Variants in ACSF2 observed in about 807,000 individuals in gnomAD.
ACSF2 encodes medium-chain acyl-CoA ligase ACSF2, mitochondrial.
Under a neutral mutation model 79.3 loss-of-function variants are expected in ACSF2, and 52 were observed. That is an observed-to-expected ratio of 0.66 (90% CI 0.53 to 0.83). The LOEUF (loss-of-function observed/expected upper bound fraction) is 0.83, where lower values mean the gene tolerates loss of function less well. ACSF2 is among the 40% of genes least tolerant of loss of function. The pLI, the probability that ACSF2 is intolerant of heterozygous loss-of-function variation, is 0.00. For missense variants in ACSF2, 661 were observed against 803.3 expected, an observed-to-expected ratio of 0.82 and a Z score of 2.14; for synonymous variants, 283 against 312.6, an observed-to-expected ratio of 0.91 and a Z score of 1.00.
Position 50,468,765 on chromosome 17 carries a change from G to C in ACSF2, c.1216-2263G>C, listed in dbSNP as rs552056920. The stretch of plus-strand genomic sequence containing the variant: ...TGGGGGCAGGCGGCCAGCGCCGGCA[G>C]CAGACCAGCCAGGAGGCCGAGGCTG... On this transcript the variant is annotated intron_variant, in intron 10 of 15. Coordinates refer to ENST00000300441, the MANE Select transcript of ACSF2 (RefSeq NM_025149.6). 117 of 1,589,988 alleles carry C rather than the reference G, an allele frequency of 7.4e-5. No homozygotes were observed. The African/African-American group carries it at 1.4e-3, about 19-fold the overall frequency.
intron 1 of ACSF2, among the ~76,000 whole-genome samples, chr17:50,437,204 A>T (rs2030501411): frequency 6.6e-6 from 1 of 152,366 alleles, no homozygotes; most frequent in South Asian, 2.1e-4. Flanking sequence ...ACGGGAAGGG[A>T]GAGCCTGCCT....
intron 1 of ACSF2, among the ~76,000 whole-genome samples, chr17:50,432,222 A>C (rs777552544): frequency 6.6e-6 from 1 of 152,112 alleles, no homozygotes. Context: ...CTTATGTATA[A>C]ATAGTGCATT....
At position 50,474,722 on chromosome 17, in the gene ACSF2, C is replaced by T; in HGVS notation, c.*170C>T. 2.8e-6 allele frequency: 2 copies of T among 707,720 alleles called. No homozygotes were observed. Among genetic ancestry groups the T allele is most frequent in the Admixed American group, 2.9e-5 (1 of 34,634 alleles). 43.8% of individuals were successfully genotyped at this position (707,720 alleles called of 1,614,324 possible). A position where few individuals can be genotyped will look rare whatever the true frequency, so the allele number is the denominator to read the frequency against. On this transcript the variant is annotated 3_prime_UTR_variant, in exon 16 of 16. Transcript: ENST00000300441. The surrounding 1 kb of genome is among the most constrained non-coding windows in gnomAD (Gnocchi z 4.2). Reference sequence around the variant, plus strand: ...CTCCTGGATGGGTCCGGGAACTCGCCTGGGCACAAGGTGCCAAAAGGCAGG... The same window carrying T: ...CTCCTGGATGGGTCCGGGAACTCGCTTGGGCACAAGGTGCCAAAAGGCAGG...
chr17:50,467,488 C>T lies in ACSF2; in HGVS notation c.1215+3194C>T, dbSNP rs116370336. ...GATTGGGCAGGGCCATCCACCAGGG[C>T]CTCTATGGGGCATGGAGAATGTCTT... is the stretch of plus-strand genomic sequence containing the variant. On this transcript the variant is annotated intron_variant, in intron 10 of 15. Coordinates refer to ENST00000300441, the MANE Select transcript of ACSF2 (RefSeq NM_025149.6). Among the ~76,000 whole-genome samples the T allele has an allele frequency of 4.7e-3, 712 of 152,286 alleles. 5 individuals are homozygous for T. The highest frequency in any genetic ancestry group is 0.017 in the African/African-American group (697 of 41,544).
chr17:50,434,661 G>T (rs1328710387), intron 1 of ACSF2, among the ~76,000 whole-genome samples: 1 of 151,970 alleles, frequency 6.6e-6, no homozygotes, highest in Non-Finnish European at 1.5e-5. Flanking sequence ...ATTCCAGCCT[G>T]GGCAAAAGAG....
At chr17:50,467,855 C>G in intron 10 of ACSF2, 1 of 572,918 alleles carries the variant, frequency 1.7e-6, no homozygotes, top group Non-Finnish European at 3.0e-6. Context: ...AGACTGGCAG[C>G]AGACAGGGAT....
intron 1 of ACSF2, among the ~76,000 whole-genome samples, chr17:50,435,791 G>GT (rs879568960): frequency 8.2e-4 from 118 of 144,514 alleles, no homozygotes; most frequent in Middle Eastern, 3.6e-3. Flanking sequence ...AGTTTAGTGA[G>GT]TTTTTTTTTT....
In ACSF2 at chr17:50,453,054, C is replaced by A. The variant is rs989700241; in HGVS notation, c.129-7623C>A. Among the ~76,000 whole-genome samples the A allele has an allele frequency of 4.6e-5, 7 of 152,128 alleles. No individual in the cohort carries two copies. The South Asian group carries it at 1.5e-3, about 32-fold the overall frequency. ...CTTTCTCCCAGATCTGAGGGTGGGG[C>A]ATGGGCAGGCATGGCTGTAACGTTG... On this transcript the variant is annotated intron_variant, in intron 1 of 15. Coordinates refer to ENST00000300441, the MANE Select transcript of ACSF2 (RefSeq NM_025149.6).
chr17:50,458,535 C>G lies in ACSF2; in HGVS notation c.129-2142C>G, dbSNP rs147507875. 8.8e-4 allele frequency among the ~76,000 whole-genome samples: 134 copies of G among 152,278 alleles called. 1 individual carries two copies. The highest frequency in any genetic ancestry group is 2.9e-3 in the African/African-American group (120 of 41,542). On this transcript the variant is annotated intron_variant, in intron 1 of 15. Coordinates refer to ENST00000300441, the MANE Select transcript of ACSF2 (RefSeq NM_025149.6). ...CCAGGTGATCCCAGATTCCGTCTTA[C>G]AGGTGCTCCTAGGACCACGGCCCCT... is the stretch of plus-strand genomic sequence containing the variant.
chr17:50,434,920 G>A (rs1305248723), intron 1 of ACSF2, among the ~76,000 whole-genome samples: 2 of 151,928 alleles, frequency 1.3e-5, no homozygotes, highest in Non-Finnish European at 2.9e-5. Context: ...GCCCAGGCTG[G>A]AGTGCAATGG....
intron 1 of ACSF2, among the ~76,000 whole-genome samples, chr17:50,446,681 C>T (rs2031324266): frequency 6.6e-6 from 1 of 152,228 alleles, no homozygotes; most frequent in African/African-American, 2.4e-5. Context: ...TGACCCTCAC[C>T]AACTGACCAT....
chr17:50,464,783 C>A (rs2143736252), intron 10 of ACSF2: 3 of 323,348 alleles, frequency 9.3e-6, no homozygotes, highest in Non-Finnish European at 1.8e-5. Context: ...GGGGGGGTCT[C>A]AGCAACAGCT....
intron 10 of ACSF2, chr17:50,465,715 G>C: frequency 3.1e-6 from 5 of 1,613,518 alleles, no homozygotes; most frequent in Non-Finnish European, 4.2e-6. Context: ...ACCGCCGAAG[G>C]CCCCGGAGCT....
chr17:50,460,346 A>G (rs1007850240), intron 1 of ACSF2: 4 of 479,162 alleles, frequency 8.3e-6, no homozygotes, highest in Non-Finnish European at 1.6e-5. Flanking sequence ...GCTAGGGGTG[A>G]AGGCATGGTC....
At chr17:50,468,851 G>T in intron 10 of ACSF2, 1 of 1,451,824 alleles carries the variant, frequency 6.9e-7, no homozygotes, top group Admixed American at 2.7e-5. Flanking sequence ...GGGCAGCAGC[G>T]GCGGCGGGGC....
chr17:50,466,279 C>T (rs1279780840), intron 10 of ACSF2, among the ~76,000 whole-genome samples: 19 of 151,872 alleles, frequency 1.3e-4, no homozygotes, highest in African/African-American at 3.6e-4. Context: ...TTAGTAGAGA[C>T]GCAGTTTCAC....
At chr17:50,458,958 G>A (rs2032177892) in intron 1 of ACSF2, among the ~76,000 whole-genome samples, 1 of 152,212 alleles carries the variant, frequency 6.6e-6, no homozygotes, top group Admixed American at 6.5e-5. Context: ...CAGAGACAGG[G>A]AGCTTCTTAG....
chr17:50,464,392 A>C (rs1297041900), intron 10 of ACSF2, 98 bp downstream of exon 10: 1 of 1,222,842 alleles, frequency 8.2e-7, no homozygotes, highest in Non-Finnish European at 1.2e-6. Context: ...TGTTCAAAGG[A>C]GACCCTCTCA....
chr17:50,427,086 C>T (rs1915061760), intron 1 of ACSF2: 1 of 1,214,692 alleles, frequency 8.2e-7, no homozygotes. Flanking sequence ...CTCATGTTAT[C>T]AGGGCTGTTA....
Sources: allele counts gnomAD v4.1 joint callset (sites outside exome capture counted in the v4.1 genomes callset), GRCh38; gene constraint gnomAD v4.1.1; non-coding constraint Gnocchi (gnomAD v3.1); transcripts MANE v1.5; gene names NCBI Gene and HGNC (gene_info 2026-07-23, HGNC 2026-07-21).